RGS10: variants seen among roughly 807,000 people sequenced by gnomAD.
The protein encoded by RGS10 is regulator of G protein signaling 10, also known as regulator of G-protein signalling 10.
A neutral mutation model predicts 23.5 loss-of-function variants in RGS10; 11 were observed. That is an observed-to-expected ratio of 0.47 (90% CI 0.29 to 0.77). The LOEUF is 0.77. Ranked by LOEUF, RGS10 falls within the 30% of genes least tolerant of loss-of-function variation. The pLI, the probability that RGS10 is intolerant of heterozygous loss-of-function variation, is 0.08. For synonymous variants in RGS10, 77 were observed against 83.2 expected (o/e 0.92, Z 0.41); for missense variants, 180 against 226.3 (o/e 0.80, Z 1.31).
At chr10:119,510,166 GTCCAA>G (rs1844061630) in intron 4 of RGS10, among the ~76,000 whole-genome samples, 1 of 152,128 alleles carries the variant, frequency 6.6e-6, no homozygotes, top group Non-Finnish European at 1.5e-5. Context: ...GCTGTAAGAG[GTCCAA>G]GCCTTACCAG....
chr10:119,527,469 T>G lies in RGS10; in HGVS notation c.50-45A>C. On this transcript the variant is annotated intron_variant, in intron 1 of 4. Transcript: ENST00000369103. The surrounding 1 kb of genome is among the most constrained non-coding windows in gnomAD (Gnocchi z 4.2). ...CTGCATATGTGGCCAACAGACACTGTCATTTTAAGAAATCTGCATGCAATG... is the reference window on the plus strand; with the variant it reads ...CTGCATATGTGGCCAACAGACACTGGCATTTTAAGAAATCTGCATGCAATG... The G allele has an allele frequency of 6.9e-7, 1 of 1,451,012 alleles. No homozygotes were observed. Among genetic ancestry groups the G allele is most frequent in the Non-Finnish European group, 9.7e-7 (1 of 1,032,522 alleles). The allele number at this position is 1,451,012 out of a possible 1,614,324, so 89.9% of individuals were successfully genotyped here.
Position 119,507,275 on chromosome 10 carries a change from C to G in RGS10, c.400-7016G>C, listed in dbSNP as rs1478798738. 4.6e-5 allele frequency among the ~76,000 whole-genome samples: 7 copies of G among 152,156 alleles called. No homozygotes were observed. In the South Asian group the frequency reaches 8.3e-4, roughly 18 times the overall value. On this transcript the variant is annotated intron_variant, in intron 4 of 4. Coordinates refer to ENST00000369103, the MANE Select transcript of RGS10 (RefSeq NM_001005339.2). ...CTGGCCACCACCACAGCCTCTGCCA[C>G]CACCCAGGAGAGGGGACCATGGTCA...
At chr10:119,507,749 T>A (rs10787975) in intron 4 of RGS10, among the ~76,000 whole-genome samples, 6 of 151,694 alleles carry the variant, frequency 4.0e-5, no homozygotes, top group African/African-American at 7.3e-5. Flanking sequence ...CATGTCCGGC[T>A]ACTTTTTGTA....
intron 1 of RGS10, among the ~76,000 whole-genome samples, chr10:119,528,477 TA>T (rs141998699): frequency 0.022 from 3,407 of 152,322 alleles, 71 homozygotes; most frequent in East Asian, 0.094. Context: ...ATCACACTGT[TA>T]TTTTTCCTGA....
At chr10:119,515,391 G>T (rs1360518782) in intron 4 of RGS10, 118 bp downstream of exon 4, 4 of 1,258,840 alleles carry the variant, frequency 3.2e-6, no homozygotes, top group African/African-American at 1.5e-5. Context: ...ACCTCGGTCT[G>T]CCCGGCCGTA....
chr10:119,515,756 AGAAAG>A, intron 3 of RGS10, 104 bp from the exon 4 acceptor site: 1 of 1,399,724 alleles, frequency 7.1e-7, no homozygotes, highest in Non-Finnish European at 9.7e-7. Flanking sequence ...CTGTGGCAAG[AGAAAG>A]GCACCCCCCA....
intron 3 of RGS10, among the ~76,000 whole-genome samples, chr10:119,521,632 AAGG>A (rs1434133911): frequency 1.4e-5 from 1 of 72,376 alleles, no homozygotes; most frequent in African/African-American, 5.2e-5. Flanking sequence ...GAAAGAAAGG[AAGG>A]AAGGAAGGAA....
In RGS10 at chr10:119,521,298, T is replaced by C. The variant is rs957517566; in HGVS notation, c.255+4734A>G. Among the ~76,000 whole-genome samples, 6 of 151,946 alleles carry C rather than the reference T, an allele frequency of 3.9e-5. No individual in the cohort carries two copies. The East Asian group carries it at 1.2e-3, about 29-fold the overall frequency. On this transcript the variant is annotated intron_variant, in intron 3 of 4. Transcript: ENST00000369103. ...GAAAAGAAAAGAAAATTGCTGGGCGTGGTGGTTCACACCTGTAATCCCAAC... is the reference window on the plus strand; with the variant it reads ...GAAAAGAAAAGAAAATTGCTGGGCGCGGTGGTTCACACCTGTAATCCCAAC...
At chr10:119,534,299 AT>A (rs1564716278) in intron 1 of RGS10, among the ~76,000 whole-genome samples, 227 of 101,958 alleles carry the variant, frequency 2.2e-3, no homozygotes, top group African/African-American at 3.8e-3. Flanking sequence ...AAATAAATAA[AT>A]AAATAAAAAA....
intron 1 of RGS10, among the ~76,000 whole-genome samples, chr10:119,542,213 G>A (rs952426202): frequency 1.2e-4 from 19 of 152,326 alleles, no homozygotes; most frequent in African/African-American, 4.3e-4. Context: ...ACCCACGCCC[G>A]CAGCGGAGGC....
At chr10:119,515,713 T>C (rs1844134815) in intron 3 of RGS10, 61 bp from the exon 4 acceptor site, 1 of 1,594,164 alleles carries the variant, frequency 6.3e-7, no homozygotes, top group Non-Finnish European at 8.6e-7. Flanking sequence ...GCCTGAGCCC[T>C]GCTCTCCCCT....
chr10:119,520,806 A>G (rs569266765), intron 3 of RGS10, among the ~76,000 whole-genome samples: 1 of 97,732 alleles, frequency 1.0e-5, no homozygotes, highest in African/African-American at 3.6e-5. Flanking sequence ...AAATCTCCAA[A>G]AGCAAAAAAA....
chr10:119,524,805 T>A lies in RGS10; in HGVS notation c.255+1227A>T, dbSNP rs566151789. ...CCTGGGAAGTTCAAGCCAAAGAGAA[T>A]CCATCTTAGAATACTCCCTTGCCAC... On this transcript the variant is annotated intron_variant, in intron 3 of 4. Coordinates refer to ENST00000369103, the MANE Select transcript of RGS10 (RefSeq NM_001005339.2). The surrounding 1 kb of genome is among the most constrained non-coding windows in gnomAD (Gnocchi z 5.2). 1.2e-4 allele frequency among the ~76,000 whole-genome samples: 19 copies of A among 152,138 alleles called. No individual in the cohort carries two copies. The highest frequency in any genetic ancestry group is 4.1e-4 in the African/African-American group (17 of 41,520).
At chr10:119,516,543 T>C (rs1844146583) in intron 3 of RGS10, 1 of 151,674 alleles carries the variant, frequency 6.6e-6, no homozygotes, top group East Asian at 1.9e-4. Context: ...CCCTCCAGGT[T>C]GTGCGGTATG....
At position 119,524,555 on chromosome 10, in the gene RGS10, C is replaced by T. The variant is rs1240418881; in HGVS notation, c.255+1477G>A. Among the ~76,000 whole-genome samples, 1 of 152,110 alleles carries T rather than the reference C, an allele frequency of 6.6e-6. No homozygotes were observed. The highest frequency in any genetic ancestry group is 1.5e-5 in the Non-Finnish European group (1 of 68,026). ...TCTAGCATTTATCGATGGTGGTCCC[C>T]AGGCCCTGTCCTCGGTGCTGGAGAC... On this transcript the variant is annotated intron_variant, in intron 3 of 4. Coordinates refer to ENST00000369103, the MANE Select transcript of RGS10 (RefSeq NM_001005339.2). The surrounding 1 kb of genome is among the most constrained non-coding windows in gnomAD (Gnocchi z 5.2).
At chr10:119,525,898 A>C (rs1844267766) in intron 3 of RGS10, 134 bp downstream of exon 3, 1 of 497,108 alleles carries the variant, frequency 2.0e-6, no homozygotes, top group Non-Finnish European at 3.6e-6. Context: ...TGATCAACAC[A>C]AGATACCTAA....
chr10:119,524,752 C>A lies in RGS10; in HGVS notation c.255+1280G>T, dbSNP rs552790031. 9.3e-4 allele frequency among the ~76,000 whole-genome samples: 141 copies of A among 152,254 alleles called. No homozygotes were observed. The highest frequency in any genetic ancestry group is 3.1e-3 in the African/African-American group (127 of 41,554). ...AAGCCAGAAAGCAAAATCCAAGGGTCCCGCCCAGTAACAGCTTTCGAGGTG... is the reference window on the plus strand; with the variant it reads ...AAGCCAGAAAGCAAAATCCAAGGGTACCGCCCAGTAACAGCTTTCGAGGTG... On this transcript the variant is annotated intron_variant, in intron 3 of 4. Transcript: ENST00000369103. This position sits in a 1 kb window ranked among gnomAD's most constrained non-coding sequence, Gnocchi z 5.2.
At chr10:119,541,052 A>G (rs1844430781) in intron 1 of RGS10, among the ~76,000 whole-genome samples, 1 of 152,200 alleles carries the variant, frequency 6.6e-6, no homozygotes, top group South Asian at 2.1e-4. Flanking sequence ...CCAGTTTCCA[A>G]ACTTTTTGAA....
Position 119,527,677 on chromosome 10 carries a change from C to T in RGS10, c.50-253G>A, listed in dbSNP as rs906269196. Among the ~76,000 whole-genome samples the T allele has an allele frequency of 1.3e-5, 2 of 152,176 alleles. No homozygotes were observed. The highest frequency in any genetic ancestry group is 4.8e-5 in the African/African-American group (2 of 41,442). On this transcript the variant is annotated intron_variant, in intron 1 of 4. Transcript: ENST00000369103. The surrounding 1 kb of genome is among the most constrained non-coding windows in gnomAD (Gnocchi z 4.2). ...GGAGGGATGAAGGGACCTGCTGTTT[C>T]CCACCAAATCCTTCCCCTACTCTTG...
Sources: allele counts gnomAD v4.1 joint callset (sites outside exome capture counted in the v4.1 genomes callset), GRCh38; gene constraint gnomAD v4.1.1; non-coding constraint Gnocchi (gnomAD v3.1); transcripts MANE v1.5; gene names NCBI Gene and HGNC (gene_info 2026-07-23, HGNC 2026-07-21).